Variants in RBM14 observed in about 807,000 individuals in gnomAD.
RBM14 encodes RNA-binding protein 14.
In RBM14, 5 loss-of-function variants were observed where a neutral mutation model predicts 52.8. The ratio of observed to expected loss-of-function variants is 0.09; its 90% CI spans 0.05 to 0.20. The LOEUF is 0.20. Ranked by LOEUF, RBM14 falls within the 10% of genes least tolerant of loss-of-function variation. The probability of loss-of-function intolerance (pLI) is 1.00; values close to 1 mark genes in which losing one functional copy is unlikely to be tolerated. For missense variants in RBM14, 780 were observed against 926.6 expected (o/e 0.84, Z 2.05); for synonymous variants, 411 against 401.8 (o/e 1.02, Z -0.28).
chr11:66,617,594 C>G (rs1858897959), intron 1 of RBM14: 8 of 985,208 alleles, frequency 8.1e-6, no homozygotes, highest in Non-Finnish European at 9.7e-6. Flanking sequence ...GTCTTTTAGT[C>G]TTGTCTGGCA....
chr11:66,620,510 C>T (rs1418203113), intron 1 of RBM14, among the ~76,000 whole-genome samples: 5 of 152,178 alleles, frequency 3.3e-5, no homozygotes, highest in Admixed American at 2.6e-4. Flanking sequence ...CTATGTTGGC[C>T]AGGCTGGTCT....
chr11:66,620,263 A>G (rs1250774332), intron 1 of RBM14, among the ~76,000 whole-genome samples: 5 of 152,196 alleles, frequency 3.3e-5, no homozygotes, highest in Admixed American at 1.3e-4. Flanking sequence ...TAATTGTATC[A>G]GATGGATTTT....
chr11:66,629,332 C>T lies in RBM14; in HGVS notation c.*2664C>T, dbSNP rs927274991. Reference sequence around the variant, plus strand: ...AGTTTTAGTTGGCTTATTCCTGGAACAAGACCACCTAGAGGCTTTTAGCCT... The same window carrying T: ...AGTTTTAGTTGGCTTATTCCTGGAATAAGACCACCTAGAGGCTTTTAGCCT... On this transcript the variant is annotated 3_prime_UTR_variant, in exon 3 of 3. Coordinates refer to ENST00000310137, the MANE Select transcript of RBM14 (RefSeq NM_006328.4). 6.6e-6 allele frequency among the ~76,000 whole-genome samples: 1 copy of T among 152,212 alleles called. No homozygotes were observed. Among genetic ancestry groups the T allele is most frequent in the Admixed American group, 6.5e-5 (1 of 15,280 alleles).
rs1937892219 is a variant in RBM14, at chr11:66,627,997, CCTT to C, written c.*1330_*1332del. 6.6e-6 allele frequency among the ~76,000 whole-genome samples: 1 copy of C among 152,128 alleles called. No individual in the cohort carries two copies. Among genetic ancestry groups the C allele is most frequent in the South Asian group, 2.1e-4 (1 of 4,820 alleles). On this transcript the variant is annotated 3_prime_UTR_variant, in exon 3 of 3. Transcript: ENST00000310137. ...CCTGCCATTATAGTCACCGGAGACT[CCTT>C]TACCTATCCCTATCTGTTAGGGTTT... is the stretch of plus-strand genomic sequence containing the variant.
intron 1 of RBM14, chr11:66,618,445 G>T (rs1415880407): frequency 2.8e-6 from 2 of 716,376 alleles, no homozygotes; most frequent in African/African-American, 1.7e-5. Context: ...CCACTACTAG[G>T]AACAAGTCCT....
chr11:66,617,047 C>T lies in RBM14; in HGVS notation c.327C>T (p.Asp109=), dbSNP rs993789996. ...FERRGRVIEC[D]VVKDYAFVHM... Reference sequence around the variant, plus strand: ...GCCGCGGACGCGTCATCGAGTGTGACGTGGTGAAAGGTAACGCGGAGGCGC... The same window carrying T: ...GCCGCGGACGCGTCATCGAGTGTGATGTGGTGAAAGGTAACGCGGAGGCGC... The change falls in exon 1 of 3, where the codon GAC becomes GAT. Residue 109 remains aspartate, a synonymous_variant. Coordinates refer to ENST00000310137, the MANE Select transcript of RBM14 (RefSeq NM_006328.4). The T allele has an allele frequency of 3.1e-6, 5 of 1,591,522 alleles. No homozygotes were observed. The highest frequency in any genetic ancestry group is 3.4e-6 in the Non-Finnish European group (4 of 1,166,356).
In RBM14 at chr11:66,616,915, G is replaced by C. The variant is rs766221711; in HGVS notation, c.195G>C (p.Ala65=). Residue 65 remains alanine (A), a synonymous_variant, in exon 1 of 3, where the codon GCG becomes GCC. Transcript: ENST00000310137. ...GCCACGAGCTGCGGCCGGGGCGCGC[G>C]CTCGTGGTGGAGATGTCGCGCCCAA... ...LHGHELRPGR[A]LVVEMSRPRP... is the part of the protein sequence containing the mutation. The C allele has an allele frequency of 2.0e-5, 32 of 1,611,350 alleles. No homozygotes were observed. Among genetic ancestry groups the C allele is most frequent in the Non-Finnish European group, 2.7e-5 (32 of 1,179,084 alleles).
At chr11:66,618,016 A>C (rs1208197503) in intron 1 of RBM14, among the ~76,000 whole-genome samples, 3 of 152,242 alleles carry the variant, frequency 2.0e-5, no homozygotes, top group Non-Finnish European at 4.4e-5. Flanking sequence ...TTCTCAGGGC[A>C]GATCCCGGTG....
intron 1 of RBM14, among the ~76,000 whole-genome samples, chr11:66,621,406 T>A (rs1030451697): frequency 7.9e-5 from 12 of 151,942 alleles, no homozygotes; most frequent in African/African-American, 2.9e-4. Flanking sequence ...AGAGGGAGTT[T>A]CATCCTTTTT....
At chr11:66,623,414 C>G (rs1484379231) in intron 1 of RBM14, among the ~76,000 whole-genome samples, 1 of 152,186 alleles carries the variant, frequency 6.6e-6, no homozygotes, top group Admixed American at 6.5e-5. Flanking sequence ...CTGCCTTATA[C>G]CTTGACTTCT....
chr11:66,617,883 A>C (rs1403773949), intron 1 of RBM14, among the ~76,000 whole-genome samples: 1 of 151,918 alleles, frequency 6.6e-6, no homozygotes, highest in African/African-American at 2.4e-5. Context: ...AAGCTTGGTG[A>C]CTTTGCAGGG....
chr11:66,626,445 T>G lies in RBM14; in HGVS notation c.1803-16T>G, dbSNP rs765953366. On this transcript the variant is annotated splice_polypyrimidine_tract_variant and intron_variant, in intron 2 of 2. Coordinates refer to ENST00000310137, the MANE Select transcript of RBM14 (RefSeq NM_006328.4). ...TCAATTGTCTCATTCACCAACTGTC[T>G]TCTTCTCTCGACTAGGTATGGTTCC... 3 of 1,605,600 alleles carry G rather than the reference T, an allele frequency of 1.9e-6. No homozygotes were observed. Among genetic ancestry groups the G allele is most frequent in the South Asian group, 1.1e-5 (1 of 90,958 alleles).
At chr11:66,622,491 C>G (rs954678900) in intron 1 of RBM14, among the ~76,000 whole-genome samples, 5 of 152,278 alleles carry the variant, frequency 3.3e-5, no homozygotes, top group Middle Eastern at 3.4e-3. Flanking sequence ...GCCTTGGCCT[C>G]CCAAAGCCCT....
intron 1 of RBM14, 88 bp downstream of exon 1, chr11:66,617,145 G>C: frequency 6.7e-7 from 1 of 1,501,192 alleles, no homozygotes; most frequent in Non-Finnish European, 8.8e-7. Context: ...CGGTCACTGC[G>C]CGGTTGGGAG....
At chr11:66,619,840 A>C (rs1405055180) in intron 1 of RBM14, among the ~76,000 whole-genome samples, 1 of 152,260 alleles carries the variant, frequency 6.6e-6, no homozygotes, top group Non-Finnish European at 1.5e-5. Flanking sequence ...TGCTGGGATT[A>C]CAGGCGCAAG....
At position 66,625,469 on chromosome 11, in the gene RBM14, G is replaced by A; in HGVS notation, c.1593G>A (p.Gln531=). The A allele has an allele frequency of 6.2e-7, 1 of 1,613,420 alleles. No individual in the cohort carries two copies. The highest frequency in any genetic ancestry group is 8.5e-7 in the Non-Finnish European group (1 of 1,179,886). The stretch of plus-strand genomic sequence containing the variant: ...CATTGGCTGCTTCCTATGCTGCCCA[G>A]CAGCATCCCCAGGCTGCTGCCTCCT... ...SASLAASYAA[Q]QHPQAAASYR... The change falls in exon 2 of 3, where the codon CAG becomes CAA. Residue 531 remains glutamine, a synonymous_variant. Coordinates refer to ENST00000310137, the MANE Select transcript of RBM14 (RefSeq NM_006328.4). The surrounding 1 kb of genome is among the most constrained non-coding windows in gnomAD (Gnocchi z 4.2).
Position 66,627,271 on chromosome 11 carries a change from T to G in RBM14, c.*603T>G, listed in dbSNP as rs1290082731. The G allele has an allele frequency of 2.0e-5, 3 of 152,240 alleles. No homozygotes were observed. The highest frequency in any genetic ancestry group is 4.4e-5 in the Non-Finnish European group (3 of 68,058). The allele number at this position is 152,240 out of a possible 1,614,324, so 9.4% of individuals were successfully genotyped here. A position where few individuals can be genotyped will look rare whatever the true frequency, so the allele number is the denominator to read the frequency against. On this transcript the variant is annotated 3_prime_UTR_variant, in exon 3 of 3. Coordinates refer to ENST00000310137, the MANE Select transcript of RBM14 (RefSeq NM_006328.4). ...TCCCCATCTCCCCAAGTAGGTGGTGTTAGAAAACCTTAATTTTTTTTCCCT... is the reference window on the plus strand; with the variant it reads ...TCCCCATCTCCCCAAGTAGGTGGTGGTAGAAAACCTTAATTTTTTTTCCCT...
rs766362050 is a variant in RBM14, at chr11:66,616,804, C to T, written c.84C>T (p.Val28=). 2 of 1,612,580 alleles carry T rather than the reference C, an allele frequency of 1.2e-6. No homozygotes were observed. Among genetic ancestry groups the T allele is most frequent in the African/African-American group, 1.3e-5 (1 of 74,934 alleles). Residue 28 remains valine (V), a synonymous_variant, in exon 1 of 3, where the codon GTC becomes GTT. Transcript: ENST00000310137. The part of the protein sequence containing the change: ...LAALFAPYGT[V]MSCAVMKQFA... The stretch of plus-strand genomic sequence containing the variant: ...CCCTCTTTGCGCCCTACGGCACGGT[C>T]ATGAGCTGCGCCGTCATGAAACAGT...
intron 1 of RBM14, among the ~76,000 whole-genome samples, chr11:66,622,920 C>T (rs1859181956): frequency 6.6e-6 from 1 of 152,162 alleles, no homozygotes; most frequent in Non-Finnish European, 1.5e-5. Context: ...AAGCTTAGAG[C>T]CTTATTTCCT....
Sources: gnomAD v4.1 joint callset for allele counts (sites outside exome capture counted in the v4.1 genomes callset) on GRCh38, gnomAD v4.1.1 for gene constraint, Gnocchi (gnomAD v3.1) non-coding constraint, MANE v1.5 for transcripts, NCBI Gene and HGNC (gene_info 2026-07-23, HGNC 2026-07-21) for gene names.